Variants in ZFYVE9 observed in about 807,000 individuals in gnomAD.
ZFYVE9 encodes the protein zinc finger FYVE domain-containing protein 9.
A neutral mutation model predicts 126.7 loss-of-function variants in ZFYVE9; 43 were observed. That is an observed-to-expected ratio of 0.34 (90% CI 0.27 to 0.44). ZFYVE9 has a LOEUF of 0.44. ZFYVE9 is among the 20% of genes least tolerant of loss of function. ZFYVE9 has a pLI of 1.00. For missense variants in ZFYVE9, 1,476 were observed against 1,697.0 expected, an observed-to-expected ratio of 0.87 and a Z score of 2.29; for synonymous variants, 521 against 597.4, an observed-to-expected ratio of 0.87 and a Z score of 1.87.
intron 1 of ZFYVE9, among the ~76,000 whole-genome samples, chr1:52,169,171 C>G (rs191073279): frequency 6.6e-6 from 1 of 152,086 alleles, no homozygotes; most frequent in Non-Finnish European, 1.5e-5. Flanking sequence ...GAGGCAGAGG[C>G]GGGTAGATTG....
chr1:52,219,546 C>T (rs956860554), intron 2 of ZFYVE9, among the ~76,000 whole-genome samples: 5 of 151,600 alleles, frequency 3.3e-5, no homozygotes, highest in South Asian at 2.1e-4. Flanking sequence ...ATGATAAGGA[C>T]GTGATCTCTG....
intron 10 of ZFYVE9, among the ~76,000 whole-genome samples, chr1:52,289,050 G>A (rs1291798853): frequency 6.6e-6 from 1 of 152,044 alleles, no homozygotes; most frequent in Non-Finnish European, 1.5e-5. Context: ...GAAACAAAAG[G>A]AAGCTATTGA....
intron 9 of ZFYVE9, among the ~76,000 whole-genome samples, chr1:52,279,739 G>T (rs946807974): frequency 1.3e-5 from 2 of 152,148 alleles, no homozygotes; most frequent in Admixed American, 6.5e-5. Flanking sequence ...AAAGTGCTGG[G>T]ATTACAGATG....
chr1:52,208,099 T>C (rs947255543), intron 1 of ZFYVE9, among the ~76,000 whole-genome samples: 6 of 152,184 alleles, frequency 3.9e-5, no homozygotes, highest in African/African-American at 1.4e-4. Flanking sequence ...GGCAGGAGGA[T>C]TGCTTGATCC....
intron 1 of ZFYVE9, among the ~76,000 whole-genome samples, chr1:52,181,091 TCTCC>T (rs1644696956): frequency 1.3e-5 from 2 of 150,748 alleles, no homozygotes; most frequent in African/African-American, 2.5e-5. Flanking sequence ...TCCCTCACGG[TCTCC>T]TTCTCCCTCT....
chr1:52,262,685 G>A (rs1645590889), intron 4 of ZFYVE9, among the ~76,000 whole-genome samples: 1 of 152,140 alleles, frequency 6.6e-6, no homozygotes, highest in African/African-American at 2.4e-5. Flanking sequence ...ATGCTTCTTG[G>A]CTGTAAAAAC....
chr1:52,333,065 A>T (rs879289040), intron 14 of ZFYVE9, 147 bp downstream of exon 14: 3 of 1,144,488 alleles, frequency 2.6e-6, no homozygotes, highest in Non-Finnish European at 3.7e-6. Flanking sequence ...CTTCAGGATT[A>T]TGTTGACTCC....
chr1:52,165,170 A>AC lies in ZFYVE9; in HGVS notation c.-143+22771dup, dbSNP rs1644501236. On this transcript the variant is annotated intron_variant, in intron 1 of 18. Coordinates refer to ENST00000287727, the MANE Select transcript of ZFYVE9 (RefSeq NM_004799.4). ...ACAATAGTAACAATAATGTTAAGGGACCCCACTGCCTTTCTTGTTTTTAAT... is the reference window on the plus strand; with the variant it reads ...ACAATAGTAACAATAATGTTAAGGGACCCCCACTGCCTTTCTTGTTTTTAAT... 3.9e-5 allele frequency among the ~76,000 whole-genome samples: 6 copies of AC among 152,240 alleles called. No individual in the cohort carries two copies. The South Asian group carries it at 1.0e-3, about 26-fold the overall frequency.
At chr1:52,331,475 G>A (rs964744163) in intron 13 of ZFYVE9, among the ~76,000 whole-genome samples, 3 of 150,846 alleles carry the variant, frequency 2.0e-5, no homozygotes, top group Non-Finnish European at 4.4e-5. Flanking sequence ...AGTGTCGGCC[G>A]GGTGCAGTGG....
chr1:52,163,348 T>G (rs1189591317), intron 1 of ZFYVE9, among the ~76,000 whole-genome samples: 1 of 152,198 alleles, frequency 6.6e-6, no homozygotes, highest in Non-Finnish European at 1.5e-5. Context: ...TCCCCAGAAC[T>G]AAATATGAGA....
intron 10 of ZFYVE9, among the ~76,000 whole-genome samples, chr1:52,293,064 G>A (rs1645938378): frequency 6.6e-6 from 1 of 152,084 alleles, no homozygotes; most frequent in Non-Finnish European, 1.5e-5. Context: ...CCAGCCCAGA[G>A]TTGCATAATG....
intron 4 of ZFYVE9, among the ~76,000 whole-genome samples, chr1:52,261,884 C>G (rs1403075204): frequency 6.6e-6 from 1 of 152,060 alleles, no homozygotes; most frequent in African/African-American, 2.4e-5. Context: ...AAAGTCAAGA[C>G]TCAAAATTTA....
intron 4 of ZFYVE9, among the ~76,000 whole-genome samples, chr1:52,255,090 CAA>C (rs564246034): frequency 4.0e-4 from 25 of 62,080 alleles, no homozygotes; most frequent in Admixed American, 3.7e-4. Flanking sequence ...GACCATGTCT[CAA>C]AAAAAAAAAA....
In ZFYVE9 at chr1:52,281,651, C is replaced by G; in HGVS notation, c.2870-10C>G. 6.2e-7 allele frequency: 1 copy of G among 1,610,144 alleles called. No homozygotes were observed. The highest frequency in any genetic ancestry group is 1.3e-5 in the African/African-American group (1 of 74,682). On this transcript the variant is annotated splice_polypyrimidine_tract_variant and intron_variant, in intron 9 of 18. Coordinates refer to ENST00000287727, the MANE Select transcript of ZFYVE9 (RefSeq NM_004799.4). Reference sequence around the variant, plus strand: ...ATGTCTTTATTTTTGTGTTTTTATTCCATCTGTAGATGTGAACAGGAAGTG... The same window carrying G: ...ATGTCTTTATTTTTGTGTTTTTATTGCATCTGTAGATGTGAACAGGAAGTG...
At chr1:52,151,330 TATTATTATGCATTTTACAGCTGAGGG>T (rs1273421016) in intron 1 of ZFYVE9, among the ~76,000 whole-genome samples, 7 of 152,190 alleles carry the variant, frequency 4.6e-5, no homozygotes, top group Non-Finnish European at 8.8e-5. Context: ...AAGGTCATTA[TATTATTATGCATTTTACAGCTGAGGG>T]AACTGAGGCT....
At chr1:52,184,817 G>C (rs1644749526) in intron 1 of ZFYVE9, among the ~76,000 whole-genome samples, 1 of 151,978 alleles carries the variant, frequency 6.6e-6, no homozygotes, top group African/African-American at 2.4e-5. Flanking sequence ...CTGAGGCCAG[G>C]AGTTAGAGAC....
intron 11 of ZFYVE9, among the ~76,000 whole-genome samples, chr1:52,293,979 G>T (rs547695283): frequency 6.6e-6 from 1 of 152,040 alleles, no homozygotes; most frequent in Non-Finnish European, 1.5e-5. Flanking sequence ...TTCTGTATAT[G>T]ATGAGCATAT....
chr1:52,303,772 C>A, intron 12 of ZFYVE9, 49 bp from the exon 13 acceptor site: 1 of 1,183,196 alleles, frequency 8.5e-7, no homozygotes. Flanking sequence ...TAAATTAAAC[C>A]CTACCATTGA....
chr1:52,324,357 G>A (rs1223189215), intron 13 of ZFYVE9, among the ~76,000 whole-genome samples: 1 of 152,120 alleles, frequency 6.6e-6, no homozygotes, highest in African/African-American at 2.4e-5. Context: ...TTGAAGATGG[G>A]GTCTAGCCTC....
Sources: gnomAD v4.1 joint callset for allele counts (sites outside exome capture counted in the v4.1 genomes callset) on GRCh38, gnomAD v4.1.1 for gene constraint, MANE v1.5 for transcripts, NCBI Gene and HGNC (gene_info 2026-07-23, HGNC 2026-07-21) for gene names.